The following GALNTL6 variants were observed in gnomAD, a reference collection of about 807,000 sequenced individuals.
The protein encoded by GALNTL6 is polypeptide N-acetylgalactosaminyltransferase-like 6.
A neutral mutation model predicts 73.7 loss-of-function variants in GALNTL6; 46 were observed. The ratio of observed to expected loss-of-function variants is 0.62; its 90% CI spans 0.49 to 0.80. GALNTL6 has a LOEUF of 0.80. Among genes scored for constraint, GALNTL6 ranks in the 30% least tolerant of loss-of-function variants. GALNTL6 has a pLI of 0.00. For missense variants in GALNTL6, 604 were observed against 755.0 expected, an observed-to-expected ratio of 0.80 and a Z score of 2.34; for synonymous variants, 259 against 263.7, an observed-to-expected ratio of 0.98 and a Z score of 0.17.
intron 4 of GALNTL6, among the ~76,000 whole-genome samples, chr4:172,331,225 T>TTACATGTGTGTAATATC (rs1331788245): frequency 2.3e-4 from 35 of 151,574 alleles, no homozygotes; most frequent in African/African-American, 8.5e-4. Context: ...TGTGTAGATA[T>TTACATGTGTGTAATATC]TACACACATA....
intron 5 of GALNTL6, among the ~76,000 whole-genome samples, chr4:172,546,820 G>GTATATATATGTATCTATATACA: frequency 2.0e-5 from 1 of 49,028 alleles, no homozygotes; most frequent in Admixed American, 2.5e-4. Flanking sequence ...ATATATATAC[G>GTATATATATGTATCTATATACA]TATATGTATA....
At chr4:171,892,551 T>C (rs574261527) in intron 2 of GALNTL6, among the ~76,000 whole-genome samples, 3 of 152,196 alleles carry the variant, frequency 2.0e-5, no homozygotes, top group Non-Finnish European at 4.4e-5. Flanking sequence ...ATAACATTTA[T>C]AATATAATAA....
intron 2 of GALNTL6, among the ~76,000 whole-genome samples, chr4:172,176,559 G>A (rs754816593): frequency 6.6e-6 from 1 of 151,934 alleles, no homozygotes; most frequent in South Asian, 2.1e-4. Context: ...AGAGGCCAAG[G>A]CAGGAGAATT....
chr4:173,021,800 C>A (rs1392943243), intron 12 of GALNTL6, among the ~76,000 whole-genome samples, 175 bp downstream of exon 12: 1 of 151,968 alleles, frequency 6.6e-6, no homozygotes, highest in Non-Finnish European at 1.5e-5. Flanking sequence ...TGAGACCAGC[C>A]TGACCAACAT....
intron 10 of GALNTL6, among the ~76,000 whole-genome samples, chr4:172,975,936 A>T (rs1013541309): frequency 6.6e-6 from 1 of 152,064 alleles, no homozygotes; most frequent in South Asian, 2.1e-4. Context: ...GGCCCCTAAG[A>T]GTGCAGGGAT....
At chr4:172,845,253 A>G (rs1400613098) in intron 7 of GALNTL6, among the ~76,000 whole-genome samples, 1 of 151,760 alleles carries the variant, frequency 6.6e-6, no homozygotes, top group Non-Finnish European at 1.5e-5. Flanking sequence ...AAAAGAAAAC[A>G]GAAAAAGATT....
chr4:173,009,797 C>T (rs1752464603), intron 11 of GALNTL6, among the ~76,000 whole-genome samples: 1 of 152,130 alleles, frequency 6.6e-6, no homozygotes. Context: ...CAACAGCACC[C>T]CAACATGGAC....
At chr4:172,069,445 TG>T (rs1389694908) in intron 2 of GALNTL6, among the ~76,000 whole-genome samples, 1 of 87,714 alleles carries the variant, frequency 1.1e-5, no homozygotes, top group African/African-American at 4.4e-5. Context: ...AACATATATA[TG>T]TAATATATAA....
chr4:172,474,233 G>A (rs773000218), intron 5 of GALNTL6, among the ~76,000 whole-genome samples: 6 of 152,000 alleles, frequency 3.9e-5, no homozygotes, highest in East Asian at 1.9e-4. Context: ...AGACCTCACC[G>A]ACTCTGTGAG....
intron 2 of GALNTL6, among the ~76,000 whole-genome samples, chr4:171,937,411 A>T (rs1488725918): frequency 6.6e-6 from 1 of 152,126 alleles, no homozygotes; most frequent in African/African-American, 2.4e-5. Context: ...AGGACTATTG[A>T]CTCCACGAAA....
intron 2 of GALNTL6, among the ~76,000 whole-genome samples, chr4:171,979,836 C>A (rs1739841409): frequency 6.6e-6 from 1 of 151,894 alleles, no homozygotes; most frequent in Non-Finnish European, 1.5e-5. Flanking sequence ...TACCCCCAAT[C>A]TGCCAGCATA....
At chr4:172,413,125 T>G (rs1395204775) in intron 5 of GALNTL6, among the ~76,000 whole-genome samples, 1 of 152,198 alleles carries the variant, frequency 6.6e-6, no homozygotes, top group African/African-American at 2.4e-5. Context: ...CGAGTCAAAC[T>G]GGTAAAGCAA....
chr4:172,225,351 C>A (rs1270685588), intron 2 of GALNTL6, among the ~76,000 whole-genome samples: 1 of 151,450 alleles, frequency 6.6e-6, no homozygotes, highest in African/African-American at 2.4e-5. Context: ...TTATATTGGT[C>A]ATCAGCCCTC....
At chr4:171,886,997 G>T (rs1560826821) in intron 2 of GALNTL6, among the ~76,000 whole-genome samples, 1 of 152,186 alleles carries the variant, frequency 6.6e-6, no homozygotes, top group Non-Finnish European at 1.5e-5. Context: ...TTGTGCTGCT[G>T]TGACAGAATA....
At chr4:172,082,506 G>T (rs146233215) in intron 2 of GALNTL6, among the ~76,000 whole-genome samples, 61 of 152,262 alleles carry the variant, frequency 4.0e-4, no homozygotes, top group Non-Finnish European at 8.4e-4. Context: ...GATAGAAAAG[G>T]GGCTAAGATT....
intron 5 of GALNTL6, among the ~76,000 whole-genome samples, chr4:172,786,089 C>T (rs1739637553): frequency 6.6e-6 from 1 of 150,436 alleles, no homozygotes; most frequent in South Asian, 2.1e-4. Context: ...AAGAAAAAGG[C>T]AATGACTCCA....
intron 2 of GALNTL6, among the ~76,000 whole-genome samples, chr4:171,976,058 G>A (rs1389729775): frequency 6.6e-6 from 1 of 152,104 alleles, no homozygotes; most frequent in Non-Finnish European, 1.5e-5. Flanking sequence ...GAGTAGCTGG[G>A]ATTACAGGGG....
intron 5 of GALNTL6, among the ~76,000 whole-genome samples, chr4:172,749,422 T>C (rs1737300079): frequency 6.6e-6 from 1 of 152,188 alleles, no homozygotes; most frequent in Non-Finnish European, 1.5e-5. Context: ...ACCGTTTGTT[T>C]TCAAAACATC....
intron 2 of GALNTL6, among the ~76,000 whole-genome samples, chr4:172,151,680 G>A (rs1016278752): frequency 2.0e-5 from 3 of 152,018 alleles, no homozygotes; most frequent in Non-Finnish European, 4.4e-5. Flanking sequence ...TTTGTGAAAC[G>A]TGAACATGCC....
Sources: gnomAD v4.1 joint callset for allele counts (sites outside exome capture counted in the v4.1 genomes callset) on GRCh38, gnomAD v4.1.1 for gene constraint, MANE v1.5 for transcripts, NCBI Gene and HGNC (gene_info 2026-07-23, HGNC 2026-07-21) for gene names.